Variants in DMC1 observed in about 807,000 individuals in gnomAD.
DMC1 encodes the protein DNA meiotic recombinase 1.
In DMC1, 27 loss-of-function variants were observed where a neutral mutation model predicts 50.1. The observed-to-expected ratio is 0.54, with a 90% confidence interval of 0.40 to 0.74. The LOEUF is 0.74. Ranked by LOEUF, DMC1 falls within the 30% of genes least tolerant of loss-of-function variation. The probability of loss-of-function intolerance (pLI) is 0.00; values close to 1 mark genes in which losing one functional copy is unlikely to be tolerated. For synonymous variants in DMC1, 148 were observed against 136.1 expected (o/e 1.09, Z -0.61); for missense variants, 295 against 420.2 (o/e 0.70, Z 2.60).
chr22:38,566,352 T>C (rs1214949764), intron 4 of DMC1, among the ~76,000 whole-genome samples: 1 of 152,066 alleles, frequency 6.6e-6, no homozygotes, highest in Non-Finnish European at 1.5e-5. Flanking sequence ...ACAAAAAGTT[T>C]TGGCAAAAAT....
chr22:38,561,709 A>C (rs1258928378), intron 5 of DMC1, among the ~76,000 whole-genome samples: 2 of 152,168 alleles, frequency 1.3e-5, no homozygotes. Flanking sequence ...ATTTTGAGAA[A>C]TACTTAGAGG....
At chr22:38,549,736 T>C (rs2090383270) in intron 8 of DMC1, 189 bp downstream of exon 8, 3 of 582,344 alleles carry the variant, frequency 5.2e-6, no homozygotes, top group Non-Finnish European at 9.3e-6. Context: ...TAAACCCATA[T>C]GAAGAAGTGA....
At chr22:38,524,347 G>C (rs2090063330) in intron 12 of DMC1, among the ~76,000 whole-genome samples, 1 of 152,172 alleles carries the variant, frequency 6.6e-6, no homozygotes, top group African/African-American at 2.4e-5. Context: ...CCAGGAGGCA[G>C]AGGTTGCAGT....
At chr22:38,544,738 G>A (rs1053832835) in intron 8 of DMC1, among the ~76,000 whole-genome samples, 2 of 151,006 alleles carry the variant, frequency 1.3e-5, no homozygotes, top group African/African-American at 4.9e-5. Flanking sequence ...CAATTCCCCT[G>A]CCTCAGCCTC....
chr22:38,532,216 AAC>A (rs1438990909), intron 12 of DMC1, among the ~76,000 whole-genome samples: 1 of 152,212 alleles, frequency 6.6e-6, no homozygotes, highest in Non-Finnish European at 1.5e-5. Context: ...CATCCCATAA[AAC>A]AGAGATGATT....
intron 11 of DMC1, 86 bp from the exon 12 acceptor site, chr22:38,537,738 A>G (rs1272762643): frequency 3.3e-6 from 3 of 921,844 alleles, no homozygotes; most frequent in South Asian, 1.4e-5. Flanking sequence ...GAGTTTAGAC[A>G]TATTGCATCA....
At chr22:38,520,649 C>T (rs960834715) in intron 13 of DMC1, among the ~76,000 whole-genome samples, 1 of 151,780 alleles carries the variant, frequency 6.6e-6, no homozygotes, top group African/African-American at 2.4e-5. Context: ...TGAGCCACTG[C>T]GCCTGGCCAA....
chr22:38,546,472 C>CT (rs2090346240), intron 8 of DMC1, among the ~76,000 whole-genome samples: 2 of 152,118 alleles, frequency 1.3e-5, no homozygotes, highest in Admixed American at 1.3e-4. Flanking sequence ...AAGAATCATC[C>CT]TTAATCAATT....
chr22:38,563,662 T>C (rs966559956), intron 4 of DMC1, among the ~76,000 whole-genome samples: 4 of 151,700 alleles, frequency 2.6e-5, no homozygotes, highest in African/African-American at 9.7e-5. Context: ...AAGACCAGCC[T>C]GGCCAATATA....
chr22:38,513,095 A>AG, the DMC1 span, among the ~76,000 whole-genome samples: 1 of 152,192 alleles, frequency 6.6e-6, no homozygotes, highest in East Asian at 1.9e-4. Flanking sequence ...AAAAAAAAAA[A>AG]AAGGACATTA....
chr22:38,535,483 C>G (rs183611596), intron 12 of DMC1, among the ~76,000 whole-genome samples: 1 of 151,748 alleles, frequency 6.6e-6, no homozygotes, highest in Non-Finnish European at 1.5e-5. Flanking sequence ...ACTGATGAAC[C>G]TAGATAAATG....
At chr22:38,545,487 A>G (rs1362566643) in intron 8 of DMC1, among the ~76,000 whole-genome samples, 1 of 151,936 alleles carries the variant, frequency 6.6e-6, no homozygotes, top group Admixed American at 6.6e-5. Flanking sequence ...CAGTGGCGCT[A>G]TCTCGGCTCA....
chr22:38,551,249 A>G (rs557196238), intron 7 of DMC1, among the ~76,000 whole-genome samples: 1 of 150,650 alleles, frequency 6.6e-6, no homozygotes, highest in South Asian at 2.1e-4. Context: ...CTCCGTCTCA[A>G]AAAAAAAAAG....
intron 7 of DMC1, among the ~76,000 whole-genome samples, chr22:38,551,860 T>TC (rs888625749): frequency 6.4e-5 from 9 of 140,858 alleles, no homozygotes; most frequent in Non-Finnish European, 1.1e-4. Context: ...TCCTTTCTTT[T>TC]TTTTTTTTTT....
chr22:38,550,594 G>C (rs2090393352), intron 7 of DMC1, among the ~76,000 whole-genome samples: 1 of 149,064 alleles, frequency 6.7e-6, no homozygotes, highest in Admixed American at 6.7e-5. Flanking sequence ...TTACAGGCTT[G>C]AGCCACCGCG....
downstream of DMC1, among the ~76,000 whole-genome samples, chr22:38,516,609 A>C (rs925211583): frequency 2.0e-5 from 3 of 152,106 alleles, no homozygotes; most frequent in Non-Finnish European, 4.4e-5. Context: ...TCGCCACAGG[A>C]GGAAAGATAG....
Position 38,567,607 on chromosome 22 carries a change from A to G in DMC1, c.72T>C (p.Ile24=). ...CAATTCCATGTTTCTGTAACAGGTC[A>G]ATATCTTGAAACAAAGATTCCTAAA... is the stretch of plus-strand genomic sequence containing the variant. ...QDEEESLFQD[I]DLLQKHGINV... The change falls in exon 3 of 14, where the codon ATT becomes ATC. Residue 24 remains isoleucine (I), a synonymous_variant. Transcript: ENST00000216024. 1 of 1,609,776 alleles carries G rather than the reference A, an allele frequency of 6.2e-7. No homozygotes were observed. Among genetic ancestry groups the G allele is most frequent in the South Asian group, 1.1e-5 (1 of 90,974 alleles).
At chr22:38,515,635 C>A (rs1395538365), downstream of DMC1, among the ~76,000 whole-genome samples, 1 of 151,966 alleles carries the variant, frequency 6.6e-6, no homozygotes, top group Non-Finnish European at 1.5e-5. Flanking sequence ...CTCGTCTCTA[C>A]TAAAAATACA....
chr22:38,546,812 A>T (rs1375164866), intron 8 of DMC1, among the ~76,000 whole-genome samples: 2 of 152,202 alleles, frequency 1.3e-5, no homozygotes, highest in African/African-American at 4.8e-5. Flanking sequence ...ACCCAAGAAG[A>T]TAGAAATATA....
Sources: allele counts gnomAD v4.1 joint callset (sites outside exome capture counted in the v4.1 genomes callset), GRCh38; gene constraint gnomAD v4.1.1; transcripts MANE v1.5; gene names NCBI Gene and HGNC (gene_info 2026-07-23, HGNC 2026-07-21).